The following CLIC5 variants were observed in gnomAD, a reference collection of about 807,000 sequenced individuals.
The protein encoded by CLIC5 is CLIC family member 5.
In CLIC5, 20 loss-of-function variants were observed where a neutral mutation model predicts 24.7. That is an observed-to-expected ratio of 0.81 (90% CI 0.57 to 1.18). The LOEUF is 1.18. Ranked by LOEUF, CLIC5 falls within the 50% of genes most tolerant of loss-of-function variation. The probability of loss-of-function intolerance (pLI) is 0.00; values close to 1 mark genes in which losing one functional copy is unlikely to be tolerated. For missense variants in CLIC5, 341 were observed against 326.1 expected (o/e 1.05, Z -0.35); for synonymous variants, 159 against 135.6 (o/e 1.17, Z -1.20).
chr6:46,006,681 CTTT>C (rs34501921), intron 1 of CLIC5, among the ~76,000 whole-genome samples: 7 of 138,922 alleles, frequency 5.0e-5, no homozygotes, highest in Admixed American at 7.2e-5. Flanking sequence ...CTTTTTTTTC[CTTT>C]TTTTTTTTTT....
intron 1 of CLIC5, among the ~76,000 whole-genome samples, chr6:45,975,899 A>G (rs948988601): frequency 6.6e-6 from 1 of 152,154 alleles, no homozygotes; most frequent in Non-Finnish European, 1.5e-5. Flanking sequence ...CTATTTCTCT[A>G]TGTTATATAG....
intron 4 of CLIC5, among the ~76,000 whole-genome samples, chr6:45,928,792 GTGT>G (rs1561940433): frequency 2.6e-5 from 4 of 151,124 alleles, no homozygotes; most frequent in African/African-American, 9.8e-5. Flanking sequence ...GTGTGTGTGT[GTGT>G]AGAGAGAGAG....
chr6:45,929,751 C>A (rs1240966100), intron 4 of CLIC5, among the ~76,000 whole-genome samples: 1 of 152,236 alleles, frequency 6.6e-6, no homozygotes, highest in African/African-American at 2.4e-5. Context: ...TGGGACCCAA[C>A]TGTCCTCCAA....
intron 4 of CLIC5, among the ~76,000 whole-genome samples, chr6:45,929,051 C>A (rs1268928949): frequency 1.3e-5 from 2 of 152,082 alleles, no homozygotes; most frequent in Non-Finnish European, 2.9e-5. Context: ...CGCTCTACTC[C>A]AGTCCAGGAG....
chr6:45,893,513 T>G (rs957016229), downstream of CLIC5, among the ~76,000 whole-genome samples: 3 of 152,172 alleles, frequency 2.0e-5, no homozygotes, highest in Non-Finnish European at 4.4e-5. Flanking sequence ...GTTCTCTTGC[T>G]TCACTTTCCT....
upstream of CLIC5, among the ~76,000 whole-genome samples, chr6:46,084,323 G>C (rs1246771026): frequency 6.6e-6 from 1 of 152,146 alleles, no homozygotes; most frequent in Non-Finnish European, 1.5e-5. Context: ...TCATTATGAT[G>C]TTAGCTGGTT....
At chr6:45,935,927 CT>C (rs1488298212) in intron 4 of CLIC5, among the ~76,000 whole-genome samples, 5 of 151,832 alleles carry the variant, frequency 3.3e-5, no homozygotes, top group African/African-American at 1.2e-4. Flanking sequence ...ACAGATCACT[CT>C]TTTAAAACAA....
chr6:46,045,888 C>T lies in CLIC5; in HGVS notation c.540+33815G>A, dbSNP rs983469252. ...GTATTCATGCAATTTTGAACATGTT[C>T]CAGTCATTGGAAGCACTGGCTAAGG... On this transcript the variant is annotated intron_variant, in intron 1 of 5. Transcript: ENST00000185206. Among the ~76,000 whole-genome samples, 15 of 150,632 alleles carry T rather than the reference C, an allele frequency of 1.0e-4. No homozygotes were observed. The South Asian group carries it at 3.2e-3, about 32-fold the overall frequency.
Position 45,902,897 on chromosome 6 carries a change from A to G in CLIC5, c.*191T>C. On this transcript the variant is annotated 3_prime_UTR_variant, in exon 6 of 6. Coordinates refer to ENST00000339561, the MANE Select transcript of CLIC5 (RefSeq NM_016929.5). Reference sequence around the variant, plus strand: ...TGTCTATCATTTCTGCTAGATTCCTATGTGAGGAGGCCAGGGATGGTGCTG... The same window carrying G: ...TGTCTATCATTTCTGCTAGATTCCTGTGTGAGGAGGCCAGGGATGGTGCTG... The G allele has an allele frequency of 1.6e-6, 1 of 606,622 alleles. No homozygotes were observed. The allele number at this position is 606,622 out of a possible 1,614,324, so 37.6% of individuals were successfully genotyped here.
At chr6:45,955,084 T>A (rs770123190) in intron 2 of CLIC5, 51 bp downstream of exon 2, 12 of 1,388,186 alleles carry the variant, frequency 8.6e-6, no homozygotes, top group Non-Finnish European at 1.2e-5. Context: ...TCATGGAAGG[T>A]TCTCTGTTCA....
the CLIC5 span, among the ~76,000 whole-genome samples, chr6:46,118,387 T>A: frequency 6.6e-6 from 1 of 152,166 alleles, no homozygotes. Context: ...GGTAGGGTGA[T>A]GACATATTTC....
intron 1 of CLIC5, among the ~76,000 whole-genome samples, chr6:46,038,712 A>G (rs1054849945): frequency 6.6e-6 from 1 of 152,214 alleles, no homozygotes; most frequent in Non-Finnish European, 1.5e-5. Flanking sequence ...TCTCTTTCCC[A>G]GATTGGTTCA....
chr6:46,006,368 A>T (rs1001610303), intron 1 of CLIC5, among the ~76,000 whole-genome samples: 5 of 149,868 alleles, frequency 3.3e-5, no homozygotes, highest in African/African-American at 1.2e-4. Context: ...CTGGTCTCGA[A>T]CTCTTGACCT....
At chr6:46,022,672 C>G (rs917591833) in intron 1 of CLIC5, among the ~76,000 whole-genome samples, 1 of 152,190 alleles carries the variant, frequency 6.6e-6, no homozygotes, top group Non-Finnish European at 1.5e-5. Context: ...TCTATTGGTG[C>G]TTAGCAAAGG....
At chr6:45,954,413 C>T (rs1764575560) in intron 2 of CLIC5, among the ~76,000 whole-genome samples, 1 of 152,064 alleles carries the variant, frequency 6.6e-6, no homozygotes, top group Non-Finnish European at 1.5e-5. Flanking sequence ...GTGAAACTAT[C>T]TAGATGATAG....
chr6:46,056,164 T>A (rs1310392188), intron 1 of CLIC5, among the ~76,000 whole-genome samples: 1 of 152,114 alleles, frequency 6.6e-6, no homozygotes, highest in Non-Finnish European at 1.5e-5. Flanking sequence ...TTGACTAAGA[T>A]CATCAAACTA....
chr6:45,929,861 GC>G (rs1202949532), intron 4 of CLIC5, among the ~76,000 whole-genome samples: 1 of 152,224 alleles, frequency 6.6e-6, no homozygotes, highest in African/African-American at 2.4e-5. Flanking sequence ...CATTCCTGCT[GC>G]TTTTTACACA....
chr6:45,891,692 T>TGCATG (rs1188741523), intron 6 of CLIC5, among the ~76,000 whole-genome samples: 4 of 151,312 alleles, frequency 2.6e-5, no homozygotes, highest in Non-Finnish European at 5.9e-5. Flanking sequence ...TGTGTATATG[T>TGCATG]GCATGGAAAA....
In CLIC5 at chr6:45,884,427, G is replaced by T. The variant is rs75276362; in HGVS notation, c.624-3239C>A. Among the ~76,000 whole-genome samples the T allele has an allele frequency of 2.1e-3, 316 of 152,312 alleles. 11 individuals carry two copies. The East Asian group carries it at 0.056, about 27-fold the overall frequency. ...GAAAAAGTACTGCATGCTGACACCA[G>T]CATCCCTAGCAGGACTTGGAAGAAG... is the stretch of plus-strand genomic sequence containing the variant. On this transcript the variant is annotated intron_variant, in intron 6 of 6. Coordinates refer to the CLIC5 transcript ENST00000644324.
Sources: gnomAD v4.1 joint callset for allele counts (sites outside exome capture counted in the v4.1 genomes callset) on GRCh38, gnomAD v4.1.1 for gene constraint, MANE v1.5 for transcripts, NCBI Gene and HGNC (gene_info 2026-07-23, HGNC 2026-07-21) for gene names.